Variants in ERC1 observed in about 807,000 individuals in gnomAD.
The protein encoded by ERC1 is ELKS/RAB6-interacting/CAST family member 1.
A neutral mutation model predicts 132.0 loss-of-function variants in ERC1; 56 were observed. The observed-to-expected ratio is 0.42, with a 90% CI of 0.34 to 0.53. The LOEUF (loss-of-function observed/expected upper bound fraction) is 0.53. Among genes scored for constraint, ERC1 ranks in the 20% least tolerant of loss-of-function variants. The pLI is 0.03. For missense variants in ERC1, 1,202 were observed against 1,349.9 expected, an observed-to-expected ratio of 0.89 and a Z score of 1.72; for synonymous variants, 478 against 476.1, an observed-to-expected ratio of 1.00 and a Z score of -0.05.
chr12:1,058,707 A>T (rs1015958968), intron 2 of ERC1, among the ~76,000 whole-genome samples: 3 of 149,164 alleles, frequency 2.0e-5, no homozygotes, highest in African/African-American at 7.4e-5. Context: ...AAACTTGAGA[A>T]TTGTTTTTTT....
intron 2 of ERC1, among the ~76,000 whole-genome samples, chr12:1,071,117 T>G (rs1313128023): frequency 6.6e-6 from 1 of 152,264 alleles, no homozygotes; most frequent in Non-Finnish European, 1.5e-5. Context: ...GACATTTGTG[T>G]TGTTTCCAGT....
At chr12:1,002,481 C>T (rs1260179007) in intron 1 of ERC1, among the ~76,000 whole-genome samples, 1 of 151,998 alleles carries the variant, frequency 6.6e-6, no homozygotes, top group Non-Finnish European at 1.5e-5. Flanking sequence ...GCCACTGCAC[C>T]TTGCCTTGTG....
At chr12:1,164,836 G>A (rs1411332261) in intron 8 of ERC1, among the ~76,000 whole-genome samples, 3 of 152,034 alleles carry the variant, frequency 2.0e-5, no homozygotes, top group South Asian at 2.1e-4. Flanking sequence ...AGTTTTTTTT[G>A]TGCGGTATGG....
chr12:1,446,138 G>T (rs2093297842), intron 18 of ERC1, among the ~76,000 whole-genome samples: 1 of 152,106 alleles, frequency 6.6e-6, no homozygotes, highest in Non-Finnish European at 1.5e-5. Context: ...GACATTTTCT[G>T]TTTACTGTCA....
chr12:1,419,285 G>C (rs1333284233), intron 17 of ERC1, among the ~76,000 whole-genome samples: 1 of 151,964 alleles, frequency 6.6e-6, no homozygotes. Flanking sequence ...ATTCTCCTAA[G>C]TGTTGACCTT....
chr12:1,074,559 G>A (rs1311237349), intron 2 of ERC1, among the ~76,000 whole-genome samples: 1 of 152,082 alleles, frequency 6.6e-6, no homozygotes, highest in Non-Finnish European at 1.5e-5. Flanking sequence ...GCCTCCCAGA[G>A]TGCTGGGATT....
At chr12:1,154,178 T>C (rs1047514730) in intron 8 of ERC1, among the ~76,000 whole-genome samples, 4 of 150,406 alleles carry the variant, frequency 2.7e-5, no homozygotes, top group Non-Finnish European at 5.9e-5. Flanking sequence ...TCATTCTTTT[T>C]TTCATGGCCG....
chr12:1,137,783 G>A (rs1330695716), intron 7 of ERC1, among the ~76,000 whole-genome samples: 1 of 151,442 alleles, frequency 6.6e-6, no homozygotes, highest in Non-Finnish European at 1.5e-5. Context: ...AACCCAGGAG[G>A]CAGAGGTTAC....
In ERC1 at chr12:1,069,046, T is replaced by C. The variant is rs891806601; in HGVS notation, c.670-14118T>C. Among the ~76,000 whole-genome samples, 13 of 152,326 alleles carry C rather than the reference T, an allele frequency of 8.5e-5. 1 individual carries two copies. Among genetic ancestry groups the C allele is most frequent in the African/African-American group, 3.1e-4 (13 of 41,584 alleles). On this transcript the variant is annotated intron_variant, in intron 2 of 18. Transcript: ENST00000360905. ...TTCCATAGATGTAATTTTAAAAATA[T>C]TTCTCCTGTCTCAGAATGAAGTGAG...
At chr12:1,417,584 C>T (rs1460143883) in intron 17 of ERC1, among the ~76,000 whole-genome samples, 1 of 152,050 alleles carries the variant, frequency 6.6e-6, no homozygotes, top group African/African-American at 2.4e-5. Flanking sequence ...AGTTTGAGAG[C>T]AGCGTGGCCA....
At chr12:1,270,693 A>G (rs902710659) in intron 14 of ERC1, among the ~76,000 whole-genome samples, 14 of 151,748 alleles carry the variant, frequency 9.2e-5, no homozygotes, top group South Asian at 6.2e-4. Flanking sequence ...GATTGATACT[A>G]TATAACTAGT....
At chr12:1,473,171 A>G (rs1173420679) in intron 18 of ERC1, among the ~76,000 whole-genome samples, 2 of 152,052 alleles carry the variant, frequency 1.3e-5, no homozygotes, top group South Asian at 2.1e-4. Context: ...GATTACAGGC[A>G]CGCACCACCA....
intron 2 of ERC1, among the ~76,000 whole-genome samples, chr12:1,081,022 CAT>C (rs2154187906): frequency 6.6e-6 from 1 of 152,044 alleles, no homozygotes; most frequent in East Asian, 1.9e-4. Flanking sequence ...AAGATGGTGA[CAT>C]GTCTAAATGT....
At chr12:1,344,860 A>G (rs919607502) in intron 15 of ERC1, among the ~76,000 whole-genome samples, 2 of 152,214 alleles carry the variant, frequency 1.3e-5, no homozygotes, top group Admixed American at 6.5e-5. Flanking sequence ...GGGTCATACA[A>G]CTAGTAAGCG....
At chr12:1,315,948 G>A (rs974649915) in intron 15 of ERC1, among the ~76,000 whole-genome samples, 3 of 151,908 alleles carry the variant, frequency 2.0e-5, no homozygotes, top group Non-Finnish European at 2.9e-5. Context: ...CTGGAGTGCA[G>A]TGGTGCAGCC....
chr12:1,051,075 T>C (rs984900146), intron 2 of ERC1, among the ~76,000 whole-genome samples: 1 of 152,210 alleles, frequency 6.6e-6, no homozygotes, highest in African/African-American at 2.4e-5. Context: ...CTAGCGATTC[T>C]GATACAGATA....
intron 8 of ERC1, among the ~76,000 whole-genome samples, chr12:1,171,844 T>G (rs1348597909): frequency 6.6e-6 from 1 of 152,140 alleles, no homozygotes; most frequent in East Asian, 1.9e-4. Context: ...TGGAAATAAA[T>G]CACCCAGACT....
chr12:1,175,477 GCAA>G (rs1361242568), intron 8 of ERC1, among the ~76,000 whole-genome samples: 1 of 139,034 alleles, frequency 7.2e-6, no homozygotes, highest in East Asian at 2.0e-4. Context: ...AAAAAAAAAA[GCAA>G]CAACAAAAAA....
intron 3 of ERC1, among the ~76,000 whole-genome samples, chr12:1,104,416 T>G (rs1274826327): frequency 6.6e-6 from 1 of 152,222 alleles, no homozygotes; most frequent in Non-Finnish European, 1.5e-5. Flanking sequence ...TCATTTGGAA[T>G]TCTGATTATA....
Sources: allele counts gnomAD v4.1 joint callset (sites outside exome capture counted in the v4.1 genomes callset), GRCh38; gene constraint gnomAD v4.1.1; transcripts MANE v1.5; gene names NCBI Gene and HGNC (gene_info 2026-07-23, HGNC 2026-07-21).